MYRFL: variants seen among roughly 807,000 people sequenced by gnomAD.
MYRFL encodes myelin regulatory factor-like protein.
Under a neutral mutation model 109.4 loss-of-function variants are expected in MYRFL, and 88 were observed. That is an observed-to-expected ratio of 0.80 (90% CI 0.68 to 0.96). The LOEUF (loss-of-function observed/expected upper bound fraction) is 0.96, where lower values mean the gene tolerates loss of function less well. Among genes scored for constraint, MYRFL ranks in the 40% least tolerant of loss-of-function variants. The pLI is 0.00. For synonymous variants in MYRFL, 324 were observed against 320.9 expected, an observed-to-expected ratio of 1.01 and a Z score of -0.10; for missense variants, 957 against 954.9, an observed-to-expected ratio of 1.00 and a Z score of -0.03.
chr12:69,887,760 C>G (rs1886548022), intron 6 of MYRFL, among the ~76,000 whole-genome samples: 1 of 152,116 alleles, frequency 6.6e-6, no homozygotes, highest in Admixed American at 6.5e-5. Flanking sequence ...GAAATATTTT[C>G]CTTAAAAGAA....
chr12:69,838,182 A>G (rs928991347), intron 1 of MYRFL, among the ~76,000 whole-genome samples: 1 of 152,156 alleles, frequency 6.6e-6, no homozygotes, highest in East Asian at 1.9e-4. Context: ...TTCTTGTCAC[A>G]TCTTGCTGAA....
intron 16 of MYRFL, among the ~76,000 whole-genome samples, chr12:69,935,335 A>G (rs562763917): frequency 6.6e-6 from 1 of 152,048 alleles, no homozygotes; most frequent in Non-Finnish European, 1.5e-5. Flanking sequence ...AGCACAAAAC[A>G]GTGCTGTAAA....
intron 19 of MYRFL, among the ~76,000 whole-genome samples, chr12:69,947,852 T>A (rs1468966679): frequency 6.6e-6 from 1 of 152,178 alleles, no homozygotes; most frequent in South Asian, 2.1e-4. Context: ...CAAGATGCTG[T>A]ACTGGACTCA....
At chr12:69,832,193 G>T (rs1277446265) in intron 1 of MYRFL, among the ~76,000 whole-genome samples, 3 of 152,156 alleles carry the variant, frequency 2.0e-5, no homozygotes, top group Non-Finnish European at 4.4e-5. Flanking sequence ...GGCTTGTAGA[G>T]AATTACATTT....
chr12:69,910,490 C>A (rs1309932591), intron 12 of MYRFL, among the ~76,000 whole-genome samples: 3 of 151,504 alleles, frequency 2.0e-5, no homozygotes, highest in East Asian at 1.9e-4. Flanking sequence ...ATCCAGGAAG[C>A]CTAAAGAAGG....
Position 69,895,460 on chromosome 12 carries a change from GA to G in MYRFL, c.1074del (p.Lys358AsnfsTer36). The G allele has an allele frequency of 6.5e-7, 1 of 1,535,724 alleles. No individual in the cohort carries two copies. The highest frequency in any genetic ancestry group is 8.7e-7 in the Non-Finnish European group (1 of 1,146,648). ...ACAGCAAATAATATGAGAAAAAAGG[GA>G]AAACCAAATCCAGACCAGAGGTACT... The part of the protein sequence containing the change: ...ETTANNMRKK[G>X]KPNPDQRYFM... On this transcript the variant is annotated frameshift_variant, in exon 9 of 25. Coordinates refer to ENST00000552032, the MANE Select transcript of MYRFL (RefSeq NM_182530.3). LOFTEE classifies it high-confidence loss of function.
chr12:69,868,762 G>A (rs1163182061), intron 2 of MYRFL, among the ~76,000 whole-genome samples: 6 of 152,208 alleles, frequency 3.9e-5, no homozygotes, highest in Non-Finnish European at 7.3e-5. Context: ...AGCCCTAACT[G>A]ACCTTGATCA....
intron 19 of MYRFL, among the ~76,000 whole-genome samples, chr12:69,938,206 C>T (rs1955529098): frequency 1.3e-5 from 2 of 152,282 alleles, no homozygotes; most frequent in Non-Finnish European, 2.9e-5. Context: ...ACAGAAATCC[C>T]CAAGGCTTTT....
chr12:69,931,105 ACT>A (rs1314171609), intron 15 of MYRFL, among the ~76,000 whole-genome samples: 2 of 152,136 alleles, frequency 1.3e-5, no homozygotes, highest in African/African-American at 2.4e-5. Flanking sequence ...TAACTTGAAG[ACT>A]CAACTCTAAG....
intron 12 of MYRFL, 34 bp from the exon 13 acceptor site, chr12:69,910,787 T>A (rs1241273061): frequency 6.3e-6 from 9 of 1,418,606 alleles, no homozygotes; most frequent in Non-Finnish European, 8.6e-6. Context: ...GATCTTTCTT[T>A]GAAGATTAAA....
intron 2 of MYRFL, among the ~76,000 whole-genome samples, chr12:69,867,475 T>A (rs1212077684): frequency 6.6e-6 from 1 of 152,182 alleles, no homozygotes; most frequent in African/African-American, 2.4e-5. Flanking sequence ...CTTTGAGATC[T>A]GGTATAAGGG....
At position 69,903,824 on chromosome 12, in the gene MYRFL, G is replaced by A. The variant is rs1386836497; in HGVS notation, c.1363G>A (p.Ala455Thr). Residue 455 changes from alanine (A) to threonine (T), a missense_variant, in exon 11 of 25, where the codon GCA becomes ACA. By Grantham distance (58) the Ala-to-Thr change is moderately conservative. Coordinates refer to ENST00000552032, the MANE Select transcript of MYRFL (RefSeq NM_182530.3). ...GTIMHPSDSR[A>T]KQNIQEVDTN... is the part of the protein sequence containing the mutation. ...CATCATGCATCCCTCTGACAGCCGG[G>A]CAAAGCAGAATATCCAGGAGGTGAG... 8 of 1,533,486 alleles carry A rather than the reference G, an allele frequency of 5.2e-6. 1 individual carries two copies. The highest frequency in any genetic ancestry group is 4.8e-5 in the South Asian group (4 of 83,768). 95.0% of individuals were successfully genotyped at this position (1,533,486 alleles called of 1,614,324 possible). A position where few individuals can be genotyped will look rare whatever the true frequency, so the allele number is the denominator to read the frequency against.
At chr12:69,936,380 A>G in intron 18 of MYRFL, 45 bp downstream of exon 18, 1 of 1,533,208 alleles carries the variant, frequency 6.5e-7, no homozygotes, top group Non-Finnish European at 8.7e-7. Context: ...TTTCAAGTGA[A>G]CTGTTAACAG....
chr12:69,856,171 A>T (rs1884271062), intron 2 of MYRFL, among the ~76,000 whole-genome samples: 1 of 152,166 alleles, frequency 6.6e-6, no homozygotes, highest in Non-Finnish European at 1.5e-5. Context: ...CATAAATGAA[A>T]CCATACAGTA....
chr12:69,936,795 G>A lies in MYRFL; in HGVS notation c.2224+163G>A, dbSNP rs1023600237. 3.9e-5 allele frequency among the ~76,000 whole-genome samples: 6 copies of A among 152,334 alleles called. No homozygotes were observed. The South Asian group carries it at 1.2e-3, about 32-fold the overall frequency. On this transcript the variant is annotated intron_variant, in intron 19 of 24. Transcript: ENST00000552032. ...ACAAATACACAACTGCCAATCATCT[G>A]TAATATTGAGTTCCTTGCCCAGGAA...
In MYRFL at chr12:69,936,025, C is replaced by T. The variant is rs550190322; in HGVS notation, c.1917-88C>T. 96 of 1,445,866 alleles carry T rather than the reference C, an allele frequency of 6.6e-5. No homozygotes were observed. The East Asian group carries it at 2.3e-3, about 34-fold the overall frequency. 89.6% of individuals were successfully genotyped at this position (1,445,866 alleles called of 1,614,324 possible). A position where few individuals can be genotyped will look rare whatever the true frequency, so the allele number is the denominator to read the frequency against. Reference sequence around the variant, plus strand: ...ATCTGTGTGGCCTGTGAGAGTACATCTCTGGCCAGCTGGATGTGTGAGATA... The same window carrying T: ...ATCTGTGTGGCCTGTGAGAGTACATTTCTGGCCAGCTGGATGTGTGAGATA... On this transcript the variant is annotated intron_variant, in intron 16 of 24. Transcript: ENST00000552032.
intron 1 of MYRFL, among the ~76,000 whole-genome samples, chr12:69,853,204 G>A (rs1291769047): frequency 2.6e-5 from 4 of 151,234 alleles, no homozygotes; most frequent in East Asian, 2.0e-4. Context: ...GGCAGCTGCC[G>A]GGCAGGGGCT....
At chr12:69,915,931 A>G (rs1954715300) in intron 13 of MYRFL, among the ~76,000 whole-genome samples, 1 of 152,122 alleles carries the variant, frequency 6.6e-6, no homozygotes, top group Non-Finnish European at 1.5e-5. Context: ...CCCAGTAAAT[A>G]TAAGTACTGC....
intron 13 of MYRFL, among the ~76,000 whole-genome samples, chr12:69,914,234 G>A (rs1484231085): frequency 2.2e-4 from 34 of 151,894 alleles, no homozygotes; most frequent in Admixed American, 2.2e-3. Context: ...AATAGGGCCT[G>A]TTTTATTATT....
Sources: gnomAD v4.1 joint callset for allele counts (sites outside exome capture counted in the v4.1 genomes callset) on GRCh38, gnomAD v4.1.1 for gene constraint, MANE v1.5 for transcripts, NCBI Gene and HGNC (gene_info 2026-07-23, HGNC 2026-07-21) for gene names.